KIAA1217: variants seen among roughly 807,000 people sequenced by gnomAD.
KIAA1217 encodes KIAA1217.
Under a neutral mutation model 163.9 loss-of-function variants are expected in KIAA1217, and 88 were observed. The ratio of observed to expected loss-of-function variants is 0.54; its 90% CI spans 0.45 to 0.64. The LOEUF (loss-of-function observed/expected upper bound fraction) is 0.64, where lower values mean the gene tolerates loss of function less well. Ranked by LOEUF, KIAA1217 falls within the 30% of genes least tolerant of loss-of-function variation. The pLI is 0.00. For synonymous variants in KIAA1217, 903 were observed against 923.1 expected, an observed-to-expected ratio of 0.98 and a Z score of 0.39; for missense variants, 2,372 against 2,475.0, an observed-to-expected ratio of 0.96 and a Z score of 0.88.
intron 1 of KIAA1217, among the ~76,000 whole-genome samples, chr10:23,871,422 T>C (rs1014709786): frequency 2.0e-5 from 3 of 152,044 alleles, no homozygotes; most frequent in African/African-American, 7.2e-5. Flanking sequence ...AGCTGCAGCT[T>C]CCTTCCTGGC....
Position 23,790,262 on chromosome 10 carries a change from T to TGCATATGCACATAC in KIAA1217, c.-321+95041_-321+95042insCGCATATGCACATA, listed in dbSNP as rs1554794684. On this transcript the variant is annotated intron_variant, in intron 1 of 18. Transcript: ENST00000376462. ...ATATGCACATATGCATATGCACATA[T>TGCATATGCACATAC]GCATATGCACATATGCATATGCACA... 1.8e-5 allele frequency among the ~76,000 whole-genome samples: 2 copies of TGCATATGCACATAC among 113,638 alleles called. 1 individual carries two copies. The highest frequency in any genetic ancestry group is 3.6e-5 in the Non-Finnish European group (2 of 56,270). 74.6% of individuals were successfully genotyped at this position (113,638 alleles called of 152,430 possible).
At position 24,152,297 on chromosome 10, in the gene KIAA1217, A is replaced by G. The variant is rs566248594; in HGVS notation, c.-170-67329A>G. On this transcript the variant is annotated intron_variant, in intron 2 of 18. Coordinates refer to the KIAA1217 transcript ENST00000376462. ...AGATTGCAAATGGTAGCAATGTGCTATAAAAATAAAATATTCTTATTGTAG... is the reference window on the plus strand; with the variant it reads ...AGATTGCAAATGGTAGCAATGTGCTGTAAAAATAAAATATTCTTATTGTAG... Among the ~76,000 whole-genome samples the G allele has an allele frequency of 2.1e-4, 32 of 152,350 alleles. No homozygotes were observed. In the South Asian group the frequency reaches 6.6e-3, roughly 32 times the overall value.
At chr10:24,300,124 T>A (rs2041130318) in intron 2 of KIAA1217, among the ~76,000 whole-genome samples, 2 of 152,222 alleles carry the variant, frequency 1.3e-5, no homozygotes, top group African/African-American at 4.8e-5. Context: ...GTTACTCACC[T>A]TCCTCACTGG....
rs142334327 is a variant in KIAA1217, at chr10:24,221,991, G to A, written c.354+2082G>A. On this transcript the variant is annotated intron_variant, in intron 2 of 20. Transcript: ENST00000376454. ...ATGAGACCCCGTCTCTAAAACAAAA[G>A]TATCAATTTTGCTGAGAAATATAGA... Among the ~76,000 whole-genome samples the A allele has an allele frequency of 2.0e-4, 30 of 152,230 alleles. No individual in the cohort carries two copies. In the East Asian group the frequency reaches 5.2e-3, roughly 26 times the overall value.
intron 2 of KIAA1217, among the ~76,000 whole-genome samples, chr10:24,322,917 T>C (rs1320274500): frequency 6.6e-6 from 1 of 152,220 alleles, no homozygotes; most frequent in Non-Finnish European, 1.5e-5. Flanking sequence ...TAATGTAATT[T>C]ACAAGTGATC....
chr10:24,232,935 CAAAAAA>C (rs908492411), intron 2 of KIAA1217, among the ~76,000 whole-genome samples: 21 of 56,320 alleles, frequency 3.7e-4, no homozygotes, highest in South Asian at 2.0e-3. Flanking sequence ...CTTATCTCTA[CAAAAAA>C]AAAAAAAAAA....
intron 1 of KIAA1217, among the ~76,000 whole-genome samples, chr10:23,758,093 TG>T (rs1201034914): frequency 6.6e-6 from 1 of 152,186 alleles, no homozygotes; most frequent in Non-Finnish European, 1.5e-5. Context: ...TTTTGTGGCC[TG>T]TCCCTTTGGT....
chr10:24,478,705 T>C (rs1384063673), intron 6 of KIAA1217, among the ~76,000 whole-genome samples: 2 of 152,194 alleles, frequency 1.3e-5, no homozygotes, highest in African/African-American at 4.8e-5. Context: ...TGCCTGAGGC[T>C]CTGTCTTCTC....
rs10594361 is a variant in KIAA1217 at position 23,790,711 on chromosome 10, ATATGTATGTATG to A, written c.-321+95500_-321+95511del. ...TATGTATATATACACACACATATAT[ATATGTATGTATG>A]TATGTATGTATGTATGTATGTAAAA... On this transcript the variant is annotated intron_variant, in intron 1 of 18. Coordinates refer to the KIAA1217 transcript ENST00000376462. 5.4e-4 allele frequency among the ~76,000 whole-genome samples: 76 copies of A among 140,376 alleles called. 1 individual carries two copies. The highest frequency in any genetic ancestry group is 3.4e-3 in the South Asian group (16 of 4,688). 92.1% of individuals were successfully genotyped at this position (140,376 alleles called of 152,430 possible).
At chr10:24,340,412 G>A (rs760710107) in intron 2 of KIAA1217, among the ~76,000 whole-genome samples, 11 of 152,134 alleles carry the variant, frequency 7.2e-5, no homozygotes, top group Admixed American at 2.0e-4. Context: ...CTTGCCTGCT[G>A]CCACGTAAGC....
chr10:23,834,977 G>T (rs903805943), intron 1 of KIAA1217, among the ~76,000 whole-genome samples: 4 of 152,160 alleles, frequency 2.6e-5, no homozygotes, highest in Admixed American at 2.6e-4. Context: ...AAGTGGAGAT[G>T]TGGAGTAGGA....
At chr10:23,946,272 A>AAC (rs1380316186) in intron 1 of KIAA1217, among the ~76,000 whole-genome samples, 4 of 151,550 alleles carry the variant, frequency 2.6e-5, no homozygotes, top group African/African-American at 9.7e-5. Context: ...CCGTTTAAAA[A>AAC]AAAAAAAAAA....
At chr10:24,518,737 T>G (rs1385247123) in intron 10 of KIAA1217, among the ~76,000 whole-genome samples, 1 of 152,228 alleles carries the variant, frequency 6.6e-6, no homozygotes, top group African/African-American at 2.4e-5. Flanking sequence ...AATCTCTTCG[T>G]GTCAAGAATC....
At chr10:24,082,725 T>A (rs1051484253) in intron 2 of KIAA1217, among the ~76,000 whole-genome samples, 1 of 152,238 alleles carries the variant, frequency 6.6e-6, no homozygotes, top group Admixed American at 6.5e-5. Context: ...TGTATCTTTA[T>A]AATAAGATGA....
intron 2 of KIAA1217, among the ~76,000 whole-genome samples, chr10:24,115,807 G>A (rs1200231159): frequency 6.6e-6 from 1 of 152,150 alleles, no homozygotes; most frequent in Non-Finnish European, 1.5e-5. Flanking sequence ...TCCTGGATAC[G>A]GGGCCTTCAG....
intron 1 of KIAA1217, among the ~76,000 whole-genome samples, chr10:23,994,149 C>T (rs1846357369): frequency 6.6e-6 from 1 of 152,190 alleles, no homozygotes; most frequent in South Asian, 2.1e-4. Context: ...CATGACTGTG[C>T]TGTGTTCCTG....
intron 2 of KIAA1217, among the ~76,000 whole-genome samples, chr10:24,041,165 A>G (rs771336452): frequency 3.3e-5 from 5 of 152,326 alleles, no homozygotes; most frequent in Admixed American, 6.5e-5. Flanking sequence ...GAACCTTTTT[A>G]TAGTTCATAG....
intron 1 of KIAA1217, among the ~76,000 whole-genome samples, chr10:23,945,827 G>T (rs528920045): frequency 6.6e-6 from 1 of 152,234 alleles, no homozygotes; most frequent in East Asian, 1.9e-4. Flanking sequence ...GTGTGACAGG[G>T]CTATTCACAG....
chr10:24,239,693 G>A (rs35155304), intron 2 of KIAA1217, among the ~76,000 whole-genome samples: 11 of 141,990 alleles, frequency 7.7e-5, no homozygotes, highest in Admixed American at 1.4e-4. Flanking sequence ...GTGTGTGTGT[G>A]TGTTTGTGTG....
Sources: gnomAD v4.1 joint callset for allele counts (sites outside exome capture counted in the v4.1 genomes callset) on GRCh38, gnomAD v4.1.1 for gene constraint, MANE v1.5 for transcripts, NCBI Gene and HGNC (gene_info 2026-07-23, HGNC 2026-07-21) for gene names.